Variants in MORN1 observed in about 807,000 individuals in gnomAD.
The protein encoded by MORN1 is MORN repeat-containing protein 1.
Under a neutral mutation model 61.9 loss-of-function variants are expected in MORN1, and 67 were observed. That is an observed-to-expected ratio of 1.08 (90% confidence interval 0.89 to 1.33). MORN1 has a LOEUF of 1.33. Among genes scored for constraint, MORN1 ranks in the 40% most tolerant of loss-of-function variants. The pLI is 0.00. For synonymous variants in MORN1, 301 were observed against 292.0 expected (o/e 1.03, Z -0.31); for missense variants, 752 against 691.2 (o/e 1.09, Z -0.99).
chr1:2,377,096 T>C (rs1642257332), intron 6 of MORN1: 2 of 152,378 alleles, frequency 1.3e-5, no homozygotes, highest in African/African-American at 2.4e-5. Flanking sequence ...GACCGAGGAA[T>C]GGGCATTTTG....
chr1:2,346,227 G>C (rs1241013064), intron 10 of MORN1, among the ~76,000 whole-genome samples: 1 of 152,138 alleles, frequency 6.6e-6, no homozygotes, highest in Non-Finnish European at 1.5e-5. Context: ...GAAAGGCCTG[G>C]CCTGAAAGCT....
At chr1:2,324,499 A>G (rs1044309850) in intron 12 of MORN1, among the ~76,000 whole-genome samples, 3 of 152,212 alleles carry the variant, frequency 2.0e-5, no homozygotes, top group African/African-American at 7.2e-5. Context: ...AGGGCGGGAA[A>G]GACCCTGAGC....
At chr1:2,330,032 C>T (rs1355431117) in intron 12 of MORN1, among the ~76,000 whole-genome samples, 1 of 152,190 alleles carries the variant, frequency 6.6e-6, no homozygotes, top group Non-Finnish European at 1.5e-5. Flanking sequence ...TGGGAACTGC[C>T]TATTTGCCCA....
At chr1:2,379,283 A>G in intron 6 of MORN1, 1 of 392,768 alleles carries the variant, frequency 2.5e-6, no homozygotes, top group Non-Finnish European at 5.2e-6. Flanking sequence ...GAAGGCCAGG[A>G]GAGAGAGAAG....
intron 8 of MORN1, among the ~76,000 whole-genome samples, chr1:2,362,240 C>CA (rs1641906072): frequency 6.6e-6 from 1 of 151,950 alleles, no homozygotes; most frequent in Admixed American, 6.6e-5. Flanking sequence ...AAATAAAAAA[C>CA]AAAAAACATA....
rs528581486 is a variant in MORN1 at position 2,323,017 on chromosome 1, C to G, written c.1297+1080G>C. 9 of 985,476 alleles carry G rather than the reference C, an allele frequency of 9.1e-6. No individual in the cohort carries two copies. The South Asian group carries it at 1.4e-4, about 15-fold the overall frequency. The allele number at this position is 985,476 out of a possible 1,614,324, so 61.0% of individuals were successfully genotyped here. On this transcript the variant is annotated intron_variant, in intron 13 of 13. Coordinates refer to ENST00000378531, the MANE Select transcript of MORN1 (RefSeq NM_024848.3). ...CCCCTGAATCGGATCTCCCTTCGCT[C>G]CTCACCCCCAGGGCTGTCTCCGCCG...
intron 4 of MORN1, chr1:2,386,921 G>A: frequency 6.2e-6 from 1 of 160,662 alleles, no homozygotes; most frequent in Non-Finnish European, 1.4e-5. Flanking sequence ...CTCCTGACTT[G>A]CTTGGGCCAA....
At chr1:2,368,270 G>A (rs763427061) in intron 8 of MORN1, among the ~76,000 whole-genome samples, 2 of 152,272 alleles carry the variant, frequency 1.3e-5, no homozygotes, top group Non-Finnish European at 2.9e-5. Context: ...ATTTAAGGGT[G>A]AATGGGAGGT....
At chr1:2,336,222 T>C (rs895338830) in intron 12 of MORN1, among the ~76,000 whole-genome samples, 1 of 152,146 alleles carries the variant, frequency 6.6e-6, no homozygotes, top group Non-Finnish European at 1.5e-5. Context: ...GTTGTGGTGA[T>C]CGAAGCAGAT....
At chr1:2,353,977 A>G (rs886860295) in intron 10 of MORN1, among the ~76,000 whole-genome samples, 1 of 152,244 alleles carries the variant, frequency 6.6e-6, no homozygotes, top group Non-Finnish European at 1.5e-5. Context: ...CGGATTACGT[A>G]AAGAAGGGAA....
chr1:2,386,157 C>T (rs1458630461), intron 4 of MORN1: 6 of 492,630 alleles, frequency 1.2e-5, no homozygotes, highest in Non-Finnish European at 2.2e-5. Flanking sequence ...GCAAAAATGG[C>T]CCTGGGGTCC....
chr1:2,375,194 C>T (rs1642206716), intron 6 of MORN1: 1 of 152,196 alleles, frequency 6.6e-6, no homozygotes, highest in African/African-American at 2.4e-5. Flanking sequence ...TTTCATTTGA[C>T]TCTGAATTAC....
intron 6 of MORN1, chr1:2,377,498 C>A (rs961426170): frequency 1.3e-5 from 2 of 152,360 alleles, no homozygotes; most frequent in African/African-American, 4.8e-5. Context: ...CAAGCTCGGA[C>A]GGCTCGGCTG....
intron 6 of MORN1, chr1:2,379,133 C>T (rs1463427801): frequency 2.1e-6 from 1 of 471,128 alleles, no homozygotes; most frequent in Non-Finnish European, 4.4e-6. Flanking sequence ...GAGAACAGGT[C>T]TCCCGGAGGG....
At chr1:2,326,425 G>A (rs1477127867) in intron 12 of MORN1, 3 of 152,156 alleles carry the variant, frequency 2.0e-5, no homozygotes, top group Non-Finnish European at 2.9e-5. Flanking sequence ...TTGAGAGAAC[G>A]GGCAGAGCCA....
intron 10 of MORN1, chr1:2,351,667 G>A (rs1036190166): frequency 5.4e-5 from 21 of 392,422 alleles, no homozygotes; most frequent in African/African-American, 3.9e-4. Context: ...CCCGAAACCC[G>A]CTTTTCTTCA....
At chr1:2,374,815 C>A in intron 6 of MORN1, 1 of 425,374 alleles carries the variant, frequency 2.4e-6, no homozygotes, top group Non-Finnish European at 4.2e-6. Context: ...AACAACGGCA[C>A]AGTATATAAA....
chr1:2,385,108 C>T (rs763421177), intron 5 of MORN1, 43 bp from the exon 6 acceptor site: 23 of 1,547,298 alleles, frequency 1.5e-5, no homozygotes, highest in Admixed American at 7.7e-5. Context: ...CAGGGGGAGC[C>T]GGGTGGTGGC....
At chr1:2,331,231 G>C (rs1392583880) in intron 12 of MORN1, among the ~76,000 whole-genome samples, 1 of 152,156 alleles carries the variant, frequency 6.6e-6, no homozygotes, top group Non-Finnish European at 1.5e-5. Flanking sequence ...TGGCGCAGGA[G>C]CCCCTCGTGC....
Sources: allele counts gnomAD v4.1 joint callset (sites outside exome capture counted in the v4.1 genomes callset), GRCh38; gene constraint gnomAD v4.1.1; transcripts MANE v1.5; gene names NCBI Gene and HGNC (gene_info 2026-07-23, HGNC 2026-07-21).